The following INSC variants were observed in gnomAD, a reference collection of about 807,000 sequenced individuals.
INSC encodes INSC spindle orientation adaptor protein, also known as protein inscuteable homolog.
In INSC, 67 loss-of-function variants were observed where a neutral mutation model predicts 58.6. That is an observed-to-expected ratio of 1.14 (90% CI 0.94 to 1.40). The LOEUF is 1.40. Ranked by LOEUF, INSC falls within the 40% of genes most tolerant of loss-of-function variation. The probability of loss-of-function intolerance (pLI) is 0.00; values close to 1 mark genes in which losing one functional copy is unlikely to be tolerated. For synonymous variants in INSC, 262 were observed against 276.1 expected (o/e 0.95, Z 0.51); for missense variants, 714 against 692.0 (o/e 1.03, Z -0.36).
rs541618947 is a variant in INSC at position 15,225,552 on chromosome 11, G to A, written c.992-98G>A. 12 of 1,245,150 alleles carry A rather than the reference G, an allele frequency of 9.6e-6. No individual in the cohort carries two copies. The South Asian group carries it at 1.8e-4, about 19-fold the overall frequency. 77.1% of individuals were successfully genotyped at this position (1,245,150 alleles called of 1,614,324 possible). On this transcript the variant is annotated intron_variant, in intron 8 of 12. Transcript: ENST00000379556. ...CTGTAAAATGGGTATTATAACACCT[G>A]CTCAAACGATCTCCCAGAGGTATTG...
intron 6 of INSC, among the ~76,000 whole-genome samples, chr11:15,195,210 C>T (rs1356714717): frequency 6.6e-6 from 1 of 152,196 alleles, no homozygotes; most frequent in Non-Finnish European, 1.5e-5. Flanking sequence ...GAACAGCCAA[C>T]AGCTCCAACC....
upstream of INSC, chr11:15,112,324 TCAGTACTGAAC>T (rs1196431156): frequency 5.1e-6 from 3 of 588,128 alleles, no homozygotes; most frequent in Non-Finnish European, 8.8e-6. Flanking sequence ...TTGGGCAGCC[TCAGTACTGAAC>T]TGCCTTGGAC....
intron 9 of INSC, among the ~76,000 whole-genome samples, chr11:15,230,873 TAA>T (rs1340079954): frequency 6.6e-6 from 1 of 152,170 alleles, no homozygotes; most frequent in East Asian, 1.9e-4. Context: ...CTCCTAAGCC[TAA>T]ATCTTAGCCC....
At chr11:15,155,626 G>C (rs897656054) in intron 2 of INSC, among the ~76,000 whole-genome samples, 2 of 152,136 alleles carry the variant, frequency 1.3e-5, no homozygotes, top group South Asian at 4.1e-4. Flanking sequence ...ACGTTTTGGA[G>C]GTCACTTCCA....
chr11:15,253,307 G>C, the INSC span, among the ~76,000 whole-genome samples: 1 of 152,156 alleles, frequency 6.6e-6, no homozygotes, highest in Admixed American at 6.6e-5. Context: ...AGAATAAGAA[G>C]TGAAGATCAA....
chr11:15,158,865 T>TTTTTTTG, intron 2 of INSC, among the ~76,000 whole-genome samples: 1 of 141,278 alleles, frequency 7.1e-6, no homozygotes, highest in Non-Finnish European at 1.5e-5. Flanking sequence ...TGGTGGTTTT[T>TTTTTTTG]TTTTTTTTTT....
At chr11:15,231,901 C>G (rs935599698) in intron 9 of INSC, among the ~76,000 whole-genome samples, 3 of 152,160 alleles carry the variant, frequency 2.0e-5, no homozygotes, top group African/African-American at 7.2e-5. Flanking sequence ...TGAGACACTG[C>G]TAGGATGTGA....
chr11:15,136,790 C>A (rs1848255023), intron 1 of INSC, among the ~76,000 whole-genome samples: 1 of 152,106 alleles, frequency 6.6e-6, no homozygotes, highest in South Asian at 2.1e-4. Context: ...TCAAAGTCAT[C>A]CATGAGGATT....
intron 9 of INSC, chr11:15,235,223 A>T (rs1033582582): frequency 3.7e-5 from 10 of 270,014 alleles, no homozygotes; most frequent in South Asian, 5.2e-5. Flanking sequence ...TGTCAGGAGG[A>T]CAAGCCAGCA....
intron 1 of INSC, among the ~76,000 whole-genome samples, chr11:15,129,818 A>T (rs1321866435): frequency 6.6e-6 from 1 of 152,204 alleles, no homozygotes; most frequent in Non-Finnish European, 1.5e-5. Context: ...TTGCTACTTC[A>T]TATGTTTTCA....
chr11:15,196,681 G>A (rs540401475), intron 6 of INSC, among the ~76,000 whole-genome samples: 120 of 152,312 alleles, frequency 7.9e-4, no homozygotes, highest in African/African-American at 2.9e-3. Context: ...TGTGATGACA[G>A]CTGCAGTAAA....
intron 1 of INSC, among the ~76,000 whole-genome samples, chr11:15,118,016 G>C (rs897201866): frequency 5.9e-5 from 9 of 152,148 alleles, no homozygotes; most frequent in African/African-American, 2.4e-5. Context: ...CCCTAAGCCT[G>C]GCCCTGGCCC....
the INSC span, among the ~76,000 whole-genome samples, chr11:15,257,910 G>C: frequency 1.7e-4 from 26 of 152,228 alleles, no homozygotes; most frequent in African/African-American, 5.5e-4. Flanking sequence ...CTTGGCTTAT[G>C]GTACTTAGCT....
chr11:15,150,313 G>A (rs1273871949), intron 2 of INSC, among the ~76,000 whole-genome samples: 2 of 152,220 alleles, frequency 1.3e-5, no homozygotes, highest in East Asian at 1.9e-4. Flanking sequence ...CAGCATGATA[G>A]GCAGATAGTA....
intron 6 of INSC, among the ~76,000 whole-genome samples, chr11:15,199,614 C>T (rs781727868): frequency 1.1e-4 from 16 of 152,200 alleles, no homozygotes; most frequent in Non-Finnish European, 2.2e-4. Context: ...AAAAACCTGA[C>T]AGAGGATGGT....
At chr11:15,235,262 C>T (rs1040970198) in intron 9 of INSC, 1 of 347,810 alleles carries the variant, frequency 2.9e-6, no homozygotes, top group Non-Finnish European at 5.5e-6. Context: ...CAGGGACCTG[C>T]TGGTTCTGTC....
chr11:15,143,029 G>A (rs942337317), intron 1 of INSC, among the ~76,000 whole-genome samples: 1 of 152,044 alleles, frequency 6.6e-6, no homozygotes, highest in African/African-American at 2.4e-5. Flanking sequence ...TATCTGTGAG[G>A]AAGCTGAGCT....
chr11:15,153,993 G>T (rs1307314063), intron 2 of INSC, among the ~76,000 whole-genome samples: 1 of 152,212 alleles, frequency 6.6e-6, no homozygotes, highest in Non-Finnish European at 1.5e-5. Context: ...GCAATTATTT[G>T]TAATAGAGAA....
rs541951246 is a variant in INSC at position 15,146,971 on chromosome 11, G to A, written c.-45-2159G>A. 3.9e-5 allele frequency among the ~76,000 whole-genome samples: 6 copies of A among 152,052 alleles called. No individual in the cohort carries two copies. In the South Asian group the frequency reaches 6.2e-4, roughly 16 times the overall value. On this transcript the variant is annotated intron_variant, in intron 1 of 12. Transcript: ENST00000379556. Reference sequence around the variant, plus strand: ...TTCCTCTTGGTTCAAACTTCAAATGGCCCTGGAATTTTCTTAGTATTTTCC... The same window carrying A: ...TTCCTCTTGGTTCAAACTTCAAATGACCCTGGAATTTTCTTAGTATTTTCC...
Sources: gnomAD v4.1 joint callset for allele counts (sites outside exome capture counted in the v4.1 genomes callset) on GRCh38, gnomAD v4.1.1 for gene constraint, MANE v1.5 for transcripts, NCBI Gene and HGNC (gene_info 2026-07-23, HGNC 2026-07-21) for gene names.